Variants in TPD52 observed in about 807,000 individuals in gnomAD.
TPD52 encodes prostate and colon associated protein.
A neutral mutation model predicts 31.3 loss-of-function variants in TPD52; 17 were observed. The ratio of observed to expected loss-of-function variants is 0.54; its 90% CI spans 0.37 to 0.82. The LOEUF is 0.82. Among genes scored for constraint, TPD52 ranks in the 40% least tolerant of loss-of-function variants. The probability of loss-of-function intolerance (pLI) is 0.00; values close to 1 mark genes in which losing one functional copy is unlikely to be tolerated. For missense variants in TPD52, 212 were observed against 240.1 expected, an observed-to-expected ratio of 0.88 and a Z score of 0.77; for synonymous variants, 83 against 89.6, an observed-to-expected ratio of 0.93 and a Z score of 0.42.
chr8:80,061,385 C>CCACA (rs1484546324), intron 2 of TPD52, among the ~76,000 whole-genome samples: 1 of 102,084 alleles, frequency 9.8e-6, no homozygotes, highest in Non-Finnish European at 2.0e-5. Flanking sequence ...CCGCCCCCCC[C>CCACA]AAAAAAAAAA....
At chr8:80,047,672 G>A (rs1224216576) in intron 5 of TPD52, among the ~76,000 whole-genome samples, 3 of 152,174 alleles carry the variant, frequency 2.0e-5, no homozygotes, top group Admixed American at 6.5e-5. Flanking sequence ...TCATTAAAGT[G>A]TTTCAAATTC....
chr8:80,097,510 T>C (rs954773690), intron 1 of TPD52, among the ~76,000 whole-genome samples: 9 of 152,198 alleles, frequency 5.9e-5, no homozygotes, highest in African/African-American at 2.2e-4. Flanking sequence ...GTTCTCACAA[T>C]AGTGAGTTCT....
chr8:80,132,170 C>T (rs1003773697), intron 1 of TPD52, among the ~76,000 whole-genome samples: 1 of 151,946 alleles, frequency 6.6e-6, no homozygotes, highest in South Asian at 2.1e-4. Context: ...GCTGGGACTA[C>T]AGGTAGCACC....
At chr8:80,058,130 G>GA (rs998233719) in intron 2 of TPD52, among the ~76,000 whole-genome samples, 52 of 151,660 alleles carry the variant, frequency 3.4e-4, no homozygotes, top group African/African-American at 1.1e-3. Flanking sequence ...TCAAGGATTT[G>GA]AAAAAAAATG....
At position 80,068,218 on chromosome 8, in the gene TPD52, T is replaced by A. The variant is rs140111902; in HGVS notation, c.20-3625A>T. On this transcript the variant is annotated intron_variant, in intron 1 of 7. Transcript: ENST00000518937. ...AAATAAAAACACCCCATAACCACCA[T>A]CCGAGAGGAGTATTTTTTTTCCACC... Among the ~76,000 whole-genome samples the A allele has an allele frequency of 1.8e-3, 267 of 152,274 alleles. 3 individuals are homozygous for A. The East Asian group carries it at 0.045, about 26-fold the overall frequency.
rs1220429009 is a variant in TPD52 at position 80,038,068 on chromosome 8, C to T, written c.*48G>A. On this transcript the variant is annotated 3_prime_UTR_variant, in exon 8 of 8. Coordinates refer to ENST00000518937, the MANE Select transcript of TPD52 (RefSeq NM_001025253.3). Reference sequence around the variant, plus strand: ...TGCATGTTGACAAGATGTGCTTGGACCTCGCTTGCAGCATCTGGCAGTGGG... The same window carrying T: ...TGCATGTTGACAAGATGTGCTTGGATCTCGCTTGCAGCATCTGGCAGTGGG... 3 of 1,601,796 alleles carry T rather than the reference C, an allele frequency of 1.9e-6. No homozygotes were observed. The highest frequency in any genetic ancestry group is 3.4e-5 in the Admixed American group (2 of 59,288).
At chr8:80,160,097 A>G (rs1426148) in intron 1 of TPD52, among the ~76,000 whole-genome samples, 67,753 of 151,346 alleles carry the variant, frequency 0.45, 15,287 homozygotes, top group East Asian at 0.71. Flanking sequence ...AGGCTTAGGT[A>G]GGAAGATTGC....
intron 1 of TPD52, among the ~76,000 whole-genome samples, chr8:80,101,268 T>C (rs10112110): frequency 4.4e-4 from 67 of 152,046 alleles, no homozygotes; most frequent in Middle Eastern, 3.4e-3. Context: ...ACCAACATGG[T>C]GAAACCCCGT....
Position 80,071,218 on chromosome 8 carries a change from A to G in TPD52, c.20-6625T>C, listed in dbSNP as rs546993575. Among the ~76,000 whole-genome samples the G allele has an allele frequency of 6.7e-4, 102 of 152,328 alleles. No homozygotes were observed. In the Middle Eastern group the frequency reaches 0.01, roughly 15 times the overall value. On this transcript the variant is annotated intron_variant, in intron 1 of 7. Transcript: ENST00000518937. ...ATAAGCCACCCAGAATGGCTACCGCAGCCCCAGGAGAATAATTCCGATGGA... is the reference window on the plus strand; with the variant it reads ...ATAAGCCACCCAGAATGGCTACCGCGGCCCCAGGAGAATAATTCCGATGGA...
intron 1 of TPD52, among the ~76,000 whole-genome samples, chr8:80,156,679 T>A (rs1810993709): frequency 6.6e-6 from 1 of 151,992 alleles, no homozygotes; most frequent in African/African-American, 2.4e-5. Context: ...CAAGGAGAAA[T>A]GAGCATGGAA....
In TPD52 at chr8:80,065,703, C is replaced by G. The variant is rs192480948; in HGVS notation, c.20-1110G>C. On this transcript the variant is annotated intron_variant, in intron 1 of 7. Coordinates refer to ENST00000518937, the MANE Select transcript of TPD52 (RefSeq NM_001025253.3). ...AGGATCAGTATTGCTGATACTTTGT[C>G]TCAAACTCCAAAATGGCTCTGCATG... Among the ~76,000 whole-genome samples, 18 of 152,298 alleles carry G rather than the reference C, an allele frequency of 1.2e-4. No homozygotes were observed. In the East Asian group the frequency reaches 3.5e-3, roughly 29 times the overall value.
intron 1 of TPD52, among the ~76,000 whole-genome samples, chr8:80,094,430 TTATATATATATATATATA>T (rs61266725): frequency 0.013 from 690 of 53,676 alleles, 14 homozygotes; most frequent in African/African-American, 0.023. Context: ...AAAGAAAATT[TTATATATATATATATATA>T]TATATATATA....
At chr8:80,151,700 T>C (rs1391965968) in intron 1 of TPD52, among the ~76,000 whole-genome samples, 3 of 152,210 alleles carry the variant, frequency 2.0e-5, no homozygotes, top group Non-Finnish European at 4.4e-5. Flanking sequence ...ATCAGCTTTT[T>C]TTTTCTATTG....
intron 1 of TPD52, among the ~76,000 whole-genome samples, chr8:80,072,288 CAG>C (rs1428613047): frequency 6.7e-6 from 1 of 149,988 alleles, no homozygotes; most frequent in African/African-American, 2.5e-5. Context: ...AGCCTGGCGA[CAG>C]AGAGAGACTC....
intron 1 of TPD52, among the ~76,000 whole-genome samples, chr8:80,116,622 G>T (rs1807879303): frequency 6.6e-6 from 1 of 152,032 alleles, no homozygotes; most frequent in Non-Finnish European, 1.5e-5. Context: ...AATAGAAGAG[G>T]AGGAAATGCT....
intron 1 of TPD52, among the ~76,000 whole-genome samples, chr8:80,144,087 A>C (rs954204698): frequency 6.6e-6 from 1 of 152,212 alleles, no homozygotes; most frequent in African/African-American, 2.4e-5. Context: ...AGCTTCTAAA[A>C]ATGTTGAAGG....
At chr8:80,170,989 CTTAA>C in intron 1 of TPD52, 1 of 387,748 alleles carries the variant, frequency 2.6e-6, no homozygotes, top group East Asian at 6.5e-5. Context: ...GGCAGAAAGT[CTTAA>C]TTTATGAGGG....
chr8:80,043,323 T>C (rs1044626547), intron 6 of TPD52, among the ~76,000 whole-genome samples: 1 of 152,184 alleles, frequency 6.6e-6, no homozygotes, highest in African/African-American at 2.4e-5. Flanking sequence ...AGGAGGATCA[T>C]AGCGCCTTTG....
intron 4 of TPD52, 107 bp downstream of exon 4, chr8:80,051,419 CA>C: frequency 9.8e-7 from 1 of 1,022,216 alleles, no homozygotes. Flanking sequence ...CTCACTCTAA[CA>C]GGAGTAGCTA....
Sources: allele counts gnomAD v4.1 joint callset (sites outside exome capture counted in the v4.1 genomes callset), GRCh38; gene constraint gnomAD v4.1.1; transcripts MANE v1.5; gene names NCBI Gene and HGNC (gene_info 2026-07-23, HGNC 2026-07-21).